CDK14: variants seen among roughly 807,000 people sequenced by gnomAD.
CDK14 encodes cyclin-dependent kinase 14.
Under a neutral mutation model 60.7 loss-of-function variants are expected in CDK14, and 34 were observed. The ratio of observed to expected loss-of-function variants is 0.56; its 90% CI spans 0.43 to 0.75. The LOEUF is 0.75. CDK14 is among the 30% of genes least tolerant of loss of function. The pLI is 0.00. For missense variants in CDK14, 482 were observed against 564.1 expected, an observed-to-expected ratio of 0.85 and a Z score of 1.47; for synonymous variants, 197 against 203.7, an observed-to-expected ratio of 0.97 and a Z score of 0.28.
intron 2 of CDK14, among the ~76,000 whole-genome samples, chr7:90,671,093 T>A (rs1266518471): frequency 6.6e-6 from 1 of 152,118 alleles, no homozygotes; most frequent in Non-Finnish European, 1.5e-5. Context: ...GTGCCCCGGC[T>A]CTCCTGGAAT....
At chr7:90,950,848 C>T (rs1269120132) in intron 8 of CDK14, among the ~76,000 whole-genome samples, 2 of 152,068 alleles carry the variant, frequency 1.3e-5, no homozygotes, top group Non-Finnish European at 1.5e-5. Context: ...TCAGGGAAAC[C>T]TTGTCAAGTA....
chr7:90,714,070 C>G (rs986805572), intron 2 of CDK14, among the ~76,000 whole-genome samples: 1 of 152,034 alleles, frequency 6.6e-6, no homozygotes, highest in African/African-American at 2.4e-5. Flanking sequence ...TATATCTTGC[C>G]CAAGATCCTT....
intron 8 of CDK14, among the ~76,000 whole-genome samples, chr7:90,954,481 A>AT (rs1345916783): frequency 6.6e-6 from 1 of 152,038 alleles, no homozygotes; most frequent in Non-Finnish European, 1.5e-5. Context: ...AGATTTTGTG[A>AT]TTTTTAAAAT....
intron 3 of CDK14, among the ~76,000 whole-genome samples, chr7:90,737,851 T>G (rs960258074): frequency 2.0e-5 from 3 of 152,152 alleles, no homozygotes; most frequent in African/African-American, 7.2e-5. Flanking sequence ...CCATTGTGGT[T>G]TTCCTCAATT....
intron 2 of CDK14, among the ~76,000 whole-genome samples, chr7:90,675,764 C>T (rs1004035687): frequency 1.3e-5 from 2 of 152,186 alleles, no homozygotes; most frequent in African/African-American, 2.4e-5. Flanking sequence ...ATAGCAGAAA[C>T]ATGCAAAACT....
intron 8 of CDK14, among the ~76,000 whole-genome samples, chr7:90,925,484 A>G (rs1793389587): frequency 6.6e-6 from 1 of 152,238 alleles, no homozygotes; most frequent in South Asian, 2.1e-4. Flanking sequence ...TGGTTTCTGA[A>G]TAGTTATCAT....
intron 8 of CDK14, among the ~76,000 whole-genome samples, chr7:90,936,306 T>G (rs1285619143): frequency 6.6e-6 from 1 of 152,206 alleles, no homozygotes; most frequent in Non-Finnish European, 1.5e-5. Context: ...AAGTGGAGAT[T>G]TATGTGAGAT....
At chr7:90,633,573 G>T (rs994940056) in intron 2 of CDK14, among the ~76,000 whole-genome samples, 2 of 152,022 alleles carry the variant, frequency 1.3e-5, no homozygotes, top group African/African-American at 4.8e-5. Flanking sequence ...TTTATTTTAC[G>T]GTAAGGATAG....
intron 10 of CDK14, among the ~76,000 whole-genome samples, chr7:91,021,815 A>C (rs562568003): frequency 6.6e-6 from 1 of 152,298 alleles, no homozygotes; most frequent in East Asian, 1.9e-4. Flanking sequence ...TCCTAAATTA[A>C]TTGAAGCCTG....
chr7:91,068,747 C>CTTCCAACCT (rs1798050405), intron 11 of CDK14, among the ~76,000 whole-genome samples: 2 of 148,332 alleles, frequency 1.3e-5, no homozygotes, highest in South Asian at 4.4e-4. Flanking sequence ...GGGCTCCCTG[C>CTTCCAACCT]TTCCAACCTT....
At chr7:90,602,702 A>G (rs905361501) in intron 1 of CDK14, among the ~76,000 whole-genome samples, 2 of 152,222 alleles carry the variant, frequency 1.3e-5, no homozygotes, top group African/African-American at 4.8e-5. Context: ...AAACATGTGC[A>G]AGTAATTGAA....
intron 6 of CDK14, among the ~76,000 whole-genome samples, chr7:90,879,574 G>A (rs955125179): frequency 6.6e-6 from 1 of 152,056 alleles, no homozygotes; most frequent in African/African-American, 2.4e-5. Context: ...TTGATGTGAA[G>A]GTTTGTCAAA....
At chr7:91,130,549 A>G (rs1446757243) in intron 14 of CDK14, among the ~76,000 whole-genome samples, 1 of 152,158 alleles carries the variant, frequency 6.6e-6, no homozygotes, top group African/African-American at 2.4e-5. Flanking sequence ...TATGTTGGTA[A>G]CATTTTCCTT....
chr7:90,976,185 T>C (rs1049672712), intron 9 of CDK14, among the ~76,000 whole-genome samples: 1 of 152,062 alleles, frequency 6.6e-6, no homozygotes, highest in Non-Finnish European at 1.5e-5. Context: ...TTGCCAGCAT[T>C]TGTTATTTTT....
chr7:90,803,074 G>A (rs916186746), intron 5 of CDK14, among the ~76,000 whole-genome samples: 2 of 150,146 alleles, frequency 1.3e-5, no homozygotes, highest in South Asian at 2.1e-4. Context: ...GGGAATATTG[G>A]TTGGCAGTTT....
chr7:90,960,085 TC>T (rs1410595517), intron 9 of CDK14, among the ~76,000 whole-genome samples: 2 of 152,130 alleles, frequency 1.3e-5, no homozygotes, highest in Non-Finnish European at 1.5e-5. Flanking sequence ...ATGTAGTTCT[TC>T]CCTTGCTAGG....
intron 10 of CDK14, among the ~76,000 whole-genome samples, chr7:91,034,931 C>T (rs934221984): frequency 1.7e-5 from 2 of 118,344 alleles, no homozygotes; most frequent in Non-Finnish European, 3.4e-5. Context: ...TGTACACACA[C>T]ACACACATAC....
intron 6 of CDK14, among the ~76,000 whole-genome samples, chr7:90,883,786 A>C (rs546195830): frequency 6.6e-6 from 1 of 152,224 alleles, no homozygotes; most frequent in Non-Finnish European, 1.5e-5. Context: ...GGCTTAACAT[A>C]TGCAAATCAA....
intron 2 of CDK14, among the ~76,000 whole-genome samples, chr7:90,694,869 A>G (rs561153789): frequency 5.9e-4 from 90 of 152,376 alleles, no homozygotes; most frequent in African/African-American, 2.1e-3. Flanking sequence ...GGTGTGAATG[A>G]TAAGGGATTA....
Sources: allele counts gnomAD v4.1 joint callset (sites outside exome capture counted in the v4.1 genomes callset), GRCh38; gene constraint gnomAD v4.1.1; transcripts MANE v1.5; gene names NCBI Gene and HGNC (gene_info 2026-07-23, HGNC 2026-07-21).